Variants in FAM184A observed in about 807,000 individuals in gnomAD.
The protein encoded by FAM184A is family with sequence similarity 184 member A, also known as protein FAM184A.
FAM184A carries 99 observed loss-of-function variants against 143.8 expected under a neutral mutation model. The observed-to-expected ratio is 0.69, with a 90% CI of 0.58 to 0.81. FAM184A has a LOEUF of 0.81. Among genes scored for constraint, FAM184A ranks in the 40% least tolerant of loss-of-function variants. FAM184A has a pLI of 0.00. For missense variants in FAM184A, 1,217 were observed against 1,310.5 expected (o/e 0.93, Z 1.10); for synonymous variants, 427 against 446.4 (o/e 0.96, Z 0.55).
intron 1 of FAM184A, among the ~76,000 whole-genome samples, chr6:119,028,273 T>A (rs794252): frequency 0.96 from 145,741 of 152,284 alleles, 69,844 homozygotes; most frequent in African/African-American, 0.97. Flanking sequence ...ACTCCAGTTC[T>A]GTTCTTTAAC....
In FAM184A at chr6:119,012,208, AC is replaced by A. The variant is rs1253113078; in HGVS notation, c.1531-778del. ...TAAGGCTTTTTCACACCACAAAGGG[AC>A]AAAGGAGCACAGTATGTTACAAGCA... is the stretch of plus-strand genomic sequence containing the variant. On this transcript the variant is annotated intron_variant, in intron 5 of 17. Transcript: ENST00000338891. Among the ~76,000 whole-genome samples, 10 of 152,318 alleles carry A rather than the reference AC, an allele frequency of 6.6e-5. No individual in the cohort carries two copies. The East Asian group carries it at 1.5e-3, about 24-fold the overall frequency.
intron 9 of FAM184A, among the ~76,000 whole-genome samples, chr6:118,987,052 T>A (rs970293554): frequency 6.6e-6 from 1 of 152,222 alleles, no homozygotes; most frequent in Non-Finnish European, 1.5e-5. Flanking sequence ...TCTTGCATAG[T>A]AGGAAAAACT....
At chr6:119,084,473 C>T (rs1242262726) in intron 1 of FAM184A, among the ~76,000 whole-genome samples, 1 of 152,222 alleles carries the variant, frequency 6.6e-6, no homozygotes, top group African/African-American at 2.4e-5. Flanking sequence ...CTCCCAAGGC[C>T]TTGGGCAGTT....
chr6:118,984,837 C>T (rs1784142884), intron 9 of FAM184A, among the ~76,000 whole-genome samples: 1 of 152,214 alleles, frequency 6.6e-6, no homozygotes, highest in Non-Finnish European at 1.5e-5. Flanking sequence ...AGACAGTTGC[C>T]TGTGCCCTGA....
At chr6:119,075,824 A>AT (rs975048391) in intron 1 of FAM184A, among the ~76,000 whole-genome samples, 2 of 152,198 alleles carry the variant, frequency 1.3e-5, no homozygotes, top group Non-Finnish European at 2.9e-5. Flanking sequence ...ATGGTATAGT[A>AT]TTTACAATAA....
At chr6:118,964,520 T>C in intron 16 of FAM184A, 147 bp downstream of exon 16, 1 of 453,908 alleles carries the variant, frequency 2.2e-6, no homozygotes, top group Non-Finnish European at 3.9e-6. Context: ...AACATATAAA[T>C]AATTCATAAG....
At chr6:119,131,295 A>C (rs1789528029) in intron 1 of FAM184A, among the ~76,000 whole-genome samples, 1 of 152,126 alleles carries the variant, frequency 6.6e-6, no homozygotes. Flanking sequence ...ATTCTTCTGG[A>C]TTAATTAAAT....
At chr6:118,998,105 C>T (rs1413993560) in intron 9 of FAM184A, among the ~76,000 whole-genome samples, 1 of 152,164 alleles carries the variant, frequency 6.6e-6, no homozygotes. Context: ...TCCCCAGTCA[C>T]CCACACCCCA....
At chr6:119,046,226 CTTT>C (rs201528290) in intron 1 of FAM184A, among the ~76,000 whole-genome samples, 5 of 142,282 alleles carry the variant, frequency 3.5e-5, no homozygotes, top group Non-Finnish European at 3.1e-5. Context: ...AAATGTATAC[CTTT>C]TTTTTTTTTT....
At chr6:119,111,401 T>C (rs1788926834) in intron 1 of FAM184A, among the ~76,000 whole-genome samples, 1 of 152,042 alleles carries the variant, frequency 6.6e-6, no homozygotes, top group South Asian at 2.1e-4. Flanking sequence ...GATACAGAGT[T>C]TCAGTTGGGG....
intron 1 of FAM184A, among the ~76,000 whole-genome samples, chr6:119,074,580 G>GA: frequency 6.6e-6 from 1 of 151,476 alleles, no homozygotes; most frequent in Non-Finnish European, 1.5e-5. Flanking sequence ...GACAAAAAGG[G>GA]AAAAAAAGTA....
At chr6:119,035,290 G>A (rs1786066945) in intron 1 of FAM184A, among the ~76,000 whole-genome samples, 1 of 152,028 alleles carries the variant, frequency 6.6e-6, no homozygotes, top group African/African-American at 2.4e-5. Flanking sequence ...ATAGGAAGAG[G>A]GGGTCACACA....
In FAM184A at chr6:118,980,284, G is replaced by C. The variant is rs1412695582; in HGVS notation, c.2155C>G (p.Gln719Glu). Residue 719 changes from glutamine to glutamate, a missense_variant, in exon 10 of 18, where the codon CAA becomes GAA. Coordinates refer to ENST00000338891, the MANE Select transcript of FAM184A (RefSeq NM_024581.6). ...TGTCGTTCTTGCGTAAACTGGGCTT[G>C]CAGTTGTTGCAAAGAAGTCTGAGAC... ...SQSQTSLQQL[Q>E]AQFTQERQRL... The C allele has an allele frequency of 1.9e-6, 3 of 1,613,992 alleles. No homozygotes were observed. The highest frequency in any genetic ancestry group is 2.5e-6 in the Non-Finnish European group (3 of 1,180,010).
At chr6:118,998,923 A>AT (rs1339296496) in intron 9 of FAM184A, among the ~76,000 whole-genome samples, 2 of 152,244 alleles carry the variant, frequency 1.3e-5, no homozygotes, top group Non-Finnish European at 2.9e-5. Flanking sequence ...CCAACTTAAT[A>AT]TTTTAAGAGC....
intron 1 of FAM184A, among the ~76,000 whole-genome samples, chr6:119,134,574 A>G (rs1036055802): frequency 1.3e-5 from 2 of 150,572 alleles, no homozygotes; most frequent in African/African-American, 4.9e-5. Flanking sequence ...GGATCACTTG[A>G]GCCCAGGAGG....
intron 1 of FAM184A, among the ~76,000 whole-genome samples, chr6:119,102,199 A>G (rs1214072813): frequency 6.6e-6 from 1 of 152,226 alleles, no homozygotes; most frequent in Non-Finnish European, 1.5e-5. Context: ...TCCATCCCTC[A>G]TCAGAAGATT....
chr6:119,133,918 G>A (rs768707209), intron 1 of FAM184A, among the ~76,000 whole-genome samples: 4 of 151,506 alleles, frequency 2.6e-5, no homozygotes, highest in Non-Finnish European at 4.4e-5. Flanking sequence ...CAGGGCTCAA[G>A]TGATCTTCCT....
At chr6:119,094,516 G>T (rs1281132192) in intron 1 of FAM184A, among the ~76,000 whole-genome samples, 1 of 152,132 alleles carries the variant, frequency 6.6e-6, no homozygotes, top group Non-Finnish European at 1.5e-5. Context: ...TATGCCAGAG[G>T]TTATCAACAC....
intron 1 of FAM184A, among the ~76,000 whole-genome samples, chr6:119,108,785 G>C (rs1235544640): frequency 1.3e-5 from 2 of 152,198 alleles, no homozygotes; most frequent in Non-Finnish European, 2.9e-5. Context: ...GATGCTCCTG[G>C]GTTTCCCAAC....
Sources: gnomAD v4.1 joint callset for allele counts (sites outside exome capture counted in the v4.1 genomes callset) on GRCh38, gnomAD v4.1.1 for gene constraint, MANE v1.5 for transcripts, NCBI Gene and HGNC (gene_info 2026-07-23, HGNC 2026-07-21) for gene names.